Variants in WIF1 observed in about 807,000 individuals in gnomAD.
WIF1 encodes the protein Wnt inhibitory factor 1.
Under a neutral mutation model 53.5 loss-of-function variants are expected in WIF1, and 35 were observed. That is an observed-to-expected ratio of 0.65 (90% CI 0.50 to 0.87). WIF1 has a LOEUF of 0.87. Ranked by LOEUF, WIF1 falls within the 40% of genes least tolerant of loss-of-function variation. WIF1 has a pLI of 0.00. For missense variants in WIF1, 467 were observed against 476.8 expected (o/e 0.98, Z 0.19); for synonymous variants, 171 against 170.4 (o/e 1.00, Z -0.03).
intron 2 of WIF1, among the ~76,000 whole-genome samples, chr12:65,100,216 G>A (rs966489209): frequency 6.6e-6 from 1 of 152,140 alleles, no homozygotes; most frequent in African/African-American, 2.4e-5. Flanking sequence ...AATTTATAAT[G>A]TAGCATCTAT....
chr12:65,120,713 C>A, intron 1 of WIF1, 157 bp from the exon 2 acceptor site: 1 of 930,528 alleles, frequency 1.1e-6, no homozygotes, highest in Non-Finnish European at 1.6e-6. Flanking sequence ...ATTAATTTTT[C>A]TCTGTGGATG....
In WIF1 at chr12:65,068,392, T is replaced by A. The variant is rs147911410; in HGVS notation, c.538+372A>T. ...GACAAGTGGGAAGTGCTGGTAATTA[T>A]GAGCCACCTTGCCTTGAGCAAACAG... On this transcript the variant is annotated intron_variant, in intron 4 of 9. Coordinates refer to ENST00000286574, the MANE Select transcript of WIF1 (RefSeq NM_007191.5). 1.1e-3 allele frequency among the ~76,000 whole-genome samples: 169 copies of A among 152,250 alleles called. 1 individual carries two copies. Among genetic ancestry groups the A allele is most frequent in the African/African-American group, 3.8e-3 (157 of 41,554 alleles).
At position 65,083,780 on chromosome 12, in the gene WIF1, C is replaced by CCTTT. The variant is rs149192779; in HGVS notation, c.289-5927_289-5926insAAAG. 3.4e-4 allele frequency: 82 copies of CCTTT among 239,724 alleles called. 1 individual carries two copies. In the East Asian group the frequency reaches 8.4e-3, roughly 24 times the overall value. 14.8% of individuals were successfully genotyped at this position (239,724 alleles called of 1,614,324 possible). The stretch of plus-strand genomic sequence containing the variant: ...CCTTTCCTCTTTTCCTTTTCCCTTT[C>CCTTT]CCTTTCCTTTCCTTTCCTTTCCTTT... On this transcript the variant is annotated intron_variant, in intron 2 of 9. Transcript: ENST00000286574.
chr12:65,056,677 T>A (rs7305974), intron 7 of WIF1, among the ~76,000 whole-genome samples: 8 of 152,096 alleles, frequency 5.3e-5, no homozygotes, highest in African/African-American at 1.9e-4. Context: ...TGAGATGGAA[T>A]CTTGCTATTT....
intron 2 of WIF1, among the ~76,000 whole-genome samples, chr12:65,089,443 C>T (rs554642504): frequency 4.6e-5 from 7 of 152,236 alleles, no homozygotes; most frequent in African/African-American, 7.2e-5. Flanking sequence ...TTCCCTCAAT[C>T]GGCACCATCA....
intron 2 of WIF1, among the ~76,000 whole-genome samples, chr12:65,093,273 C>T (rs1393014924): frequency 6.6e-6 from 1 of 152,124 alleles, no homozygotes; most frequent in Non-Finnish European, 1.5e-5. Context: ...CACATGATGG[C>T]ATTTTGCTTC....
intron 9 of WIF1, among the ~76,000 whole-genome samples, chr12:65,053,489 T>C (rs1436062607): frequency 6.6e-6 from 1 of 152,208 alleles, no homozygotes; most frequent in Non-Finnish European, 1.5e-5. Context: ...GTTTTATAAG[T>C]GTTTGGCAAG....
chr12:65,063,822 TC>T (rs1882649133), intron 6 of WIF1, among the ~76,000 whole-genome samples: 1 of 152,072 alleles, frequency 6.6e-6, no homozygotes. Context: ...TAAGGTTTCT[TC>T]CTGCCTCAGC....
intron 2 of WIF1, among the ~76,000 whole-genome samples, chr12:65,086,632 T>C (rs898986890): frequency 1.3e-5 from 2 of 151,110 alleles, no homozygotes; most frequent in African/African-American, 2.4e-5. Context: ...TGTGTGCAGG[T>C]ACTTGGGAGA....
chr12:65,068,771 A>G lies in WIF1; in HGVS notation c.531T>C (p.Cys177=). The change falls in exon 4 of 10, where the codon TGT becomes TGC. Residue 177 remains cysteine (C), a synonymous_variant. Coordinates refer to ENST00000286574, the MANE Select transcript of WIF1 (RefSeq NM_007191.5). ...ATCACCATCGGTGCTTACCTTGTTG[A>G]CATGTTTTAAAGAAGATAGCATTTT... is the stretch of plus-strand genomic sequence containing the variant. ...TPQNAIFFKT[C]QQAECPGGCR... The G allele has an allele frequency of 6.2e-7, 1 of 1,613,234 alleles. No individual in the cohort carries two copies. Among genetic ancestry groups the G allele is most frequent in the Non-Finnish European group, 8.5e-7 (1 of 1,179,564 alleles).
Position 65,121,154 on chromosome 12 carries a change from C to T in WIF1, c.38G>A (p.Trp13Ter), listed in dbSNP as rs1177213490. Residue 13 changes from tryptophan (W) to a stop codon, truncating the protein, a stop_gained, in exon 1 of 10, where the codon TGG becomes TAG. Transcript: ENST00000286574. LOFTEE classifies it high-confidence loss of function. Reference sequence around the variant, plus strand: ...CAGGCACAGGAGGATGCTCCAGAGCCAGAGCGCGGCGGCAGGGAAGGCGCT... The same window carrying T: ...CAGGCACAGGAGGATGCTCCAGAGCTAGAGCGCGGCGGCAGGGAAGGCGCT... ...RRSAFPAAALWLWSILLCLLA... is the reference protein window; with the variant it reads ...RRSAFPAAAL The T allele has an allele frequency of 6.5e-7, 1 of 1,547,394 alleles. No individual in the cohort carries two copies.
chr12:65,092,478 G>A (rs1379496019), intron 2 of WIF1, among the ~76,000 whole-genome samples: 2 of 115,598 alleles, frequency 1.7e-5, no homozygotes, highest in Non-Finnish European at 3.5e-5. Flanking sequence ...ATGTGTGTGT[G>A]TGTATATATA....
chr12:65,067,696 T>A lies in WIF1; in HGVS notation c.633A>T (p.Lys211Asn). ...PDGFHGPHCEKALCTPRCMNG... is the reference protein window; with the variant it reads ...PDGFHGPHCENALCTPRCMNG... ...AGGGAAATCGGCTCCATGTCTTACC[T>A]TTCTCACAGTGAGGTCCGTGGAACC... is the stretch of plus-strand genomic sequence containing the variant. Residue 211 changes from lysine (K) to asparagine (N), a missense_variant and splice_region_variant, in exon 5 of 10, where the codon AAA becomes AAT. By Grantham distance (94) the Lys-to-Asn change is moderately conservative. Coordinates refer to ENST00000286574, the MANE Select transcript of WIF1 (RefSeq NM_007191.5). 6.2e-7 allele frequency: 1 copy of A among 1,613,076 alleles called. No homozygotes were observed. Among genetic ancestry groups the A allele is most frequent in the African/African-American group, 1.3e-5 (1 of 75,002 alleles).
chr12:65,081,133 A>G (rs1020677929), intron 2 of WIF1, among the ~76,000 whole-genome samples: 1 of 152,018 alleles, frequency 6.6e-6, no homozygotes, highest in African/African-American at 2.4e-5. Flanking sequence ...TTTTTTTTAA[A>G]AAGCATTAAT....
chr12:65,108,765 T>C (rs1883387114), intron 2 of WIF1, among the ~76,000 whole-genome samples: 2 of 152,204 alleles, frequency 1.3e-5, no homozygotes, highest in South Asian at 4.1e-4. Context: ...TTACCACTCA[T>C]AGACAGAACT....
intron 6 of WIF1, among the ~76,000 whole-genome samples, chr12:65,063,200 C>T (rs1226202776): frequency 6.6e-6 from 1 of 152,162 alleles, no homozygotes; most frequent in African/African-American, 2.4e-5. Context: ...ATGAAGTTGG[C>T]TGTATCATAG....
Position 65,112,345 on chromosome 12 carries a change from A to T in WIF1, c.288+8072T>A, listed in dbSNP as rs560907467. On this transcript the variant is annotated intron_variant, in intron 2 of 9. Transcript: ENST00000286574. ...AAAGTTCTAGACTCCATTAAAAATG[A>T]AATTATTTTTAGTTCTATGCACTTA... 9.3e-5 allele frequency among the ~76,000 whole-genome samples: 14 copies of T among 149,860 alleles called. No individual in the cohort carries two copies. In the East Asian group the frequency reaches 2.4e-3, roughly 26 times the overall value.
intron 2 of WIF1, among the ~76,000 whole-genome samples, chr12:65,094,901 CTTATTTATTTATTTATTTAT>C (rs71096024): frequency 4.5e-4 from 60 of 134,290 alleles, no homozygotes; most frequent in African/African-American, 1.4e-3. Flanking sequence ...TCCTCTTCTT[CTTATTTATTTATTTATTTAT>C]TTATTTATTT....
At chr12:65,102,344 A>T (rs752438885) in intron 2 of WIF1, among the ~76,000 whole-genome samples, 39 of 152,160 alleles carry the variant, frequency 2.6e-4, no homozygotes, top group Non-Finnish European at 5.4e-4. Flanking sequence ...GTCCCAGGAA[A>T]GCCCATGGTG....
Sources: allele counts gnomAD v4.1 joint callset (sites outside exome capture counted in the v4.1 genomes callset), GRCh38; gene constraint gnomAD v4.1.1; transcripts MANE v1.5; gene names NCBI Gene and HGNC (gene_info 2026-07-23, HGNC 2026-07-21).